NEGR1: variants seen among roughly 807,000 people sequenced by gnomAD.
NEGR1 encodes IgLON family member 4.
Under a neutral mutation model 40.9 loss-of-function variants are expected in NEGR1, and 10 were observed. The observed-to-expected ratio is 0.24, with a 90% CI of 0.15 to 0.42. NEGR1 has a LOEUF of 0.42. Among genes scored for constraint, NEGR1 ranks in the 10% least tolerant of loss-of-function variants. The probability of loss-of-function intolerance (pLI) is 1.00; values close to 1 mark genes in which losing one functional copy is unlikely to be tolerated. For synonymous variants in NEGR1, 185 were observed against 166.8 expected, an observed-to-expected ratio of 1.11 and a Z score of -0.84; for missense variants, 352 against 438.9, an observed-to-expected ratio of 0.80 and a Z score of 1.77.
At chr1:72,034,670 G>T (rs959830059) in intron 1 of NEGR1, among the ~76,000 whole-genome samples, 2 of 152,150 alleles carry the variant, frequency 1.3e-5, no homozygotes, top group Non-Finnish European at 2.9e-5. Context: ...AAAGGCCTTT[G>T]CATTCTCTGA....
At chr1:71,667,188 G>T (rs1305913264) in intron 4 of NEGR1, among the ~76,000 whole-genome samples, 2 of 152,112 alleles carry the variant, frequency 1.3e-5, no homozygotes, top group Non-Finnish European at 2.9e-5. Flanking sequence ...TTTATTCCTT[G>T]GTAGGTGTAA....
At chr1:72,063,655 T>C (rs1647211185) in intron 1 of NEGR1, among the ~76,000 whole-genome samples, 1 of 151,968 alleles carries the variant, frequency 6.6e-6, no homozygotes, top group African/African-American at 2.4e-5. Context: ...GTGTGTTTTC[T>C]ATGATTTGTG....
chr1:71,556,022 T>C (rs1377820281), intron 6 of NEGR1, among the ~76,000 whole-genome samples: 5 of 151,474 alleles, frequency 3.3e-5, no homozygotes, highest in Non-Finnish European at 1.5e-5. Context: ...TACTTGCCAC[T>C]ACTAGATCAT....
chr1:71,857,457 C>CAAAAAAAAAAAAAAA (rs34177437), intron 2 of NEGR1, among the ~76,000 whole-genome samples: 1 of 77,656 alleles, frequency 1.3e-5, no homozygotes, highest in African/African-American at 5.4e-5. Context: ...ACAAAAAATA[C>CAAAAAAAAAAAAAAA]AAAAAAAAAA....
chr1:72,112,403 C>T (rs372915875), intron 1 of NEGR1, among the ~76,000 whole-genome samples: 1 of 151,376 alleles, frequency 6.6e-6, no homozygotes, highest in African/African-American at 2.4e-5. Flanking sequence ...TTATTTTTTC[C>T]ATAATATATC....
intron 2 of NEGR1, among the ~76,000 whole-genome samples, chr1:71,783,458 C>A (rs1656790437): frequency 6.6e-6 from 1 of 152,088 alleles, no homozygotes; most frequent in Admixed American, 6.6e-5. Flanking sequence ...ATTATTTTCT[C>A]CAGCTGATAG....
intron 1 of NEGR1, among the ~76,000 whole-genome samples, chr1:72,056,807 A>G (rs757109485): frequency 2.6e-5 from 4 of 151,550 alleles, no homozygotes; most frequent in Non-Finnish European, 5.9e-5. Context: ...AAGTCTATTC[A>G]TATCATAGTT....
chr1:72,173,148 A>C (rs1038194297), intron 1 of NEGR1, among the ~76,000 whole-genome samples: 1 of 151,280 alleles, frequency 6.6e-6, no homozygotes, highest in Admixed American at 6.6e-5. Flanking sequence ...CTGGGACTAC[A>C]GGTGTGTGCC....
intron 1 of NEGR1, among the ~76,000 whole-genome samples, chr1:72,115,527 T>A (rs1649547909): frequency 6.6e-6 from 1 of 151,790 alleles, no homozygotes; most frequent in Middle Eastern, 3.2e-3. Flanking sequence ...ACATTACTTA[T>A]GCCAGAAAAT....
intron 2 of NEGR1, among the ~76,000 whole-genome samples, chr1:71,865,397 AC>A (rs1481963908): frequency 1.3e-5 from 2 of 152,092 alleles, no homozygotes; most frequent in African/African-American, 4.8e-5. Flanking sequence ...ATGGAATACT[AC>A]GCAGTCATAA....
At chr1:71,980,326 T>C (rs1646343346) in intron 1 of NEGR1, among the ~76,000 whole-genome samples, 1 of 152,164 alleles carries the variant, frequency 6.6e-6, no homozygotes, top group Non-Finnish European at 1.5e-5. Flanking sequence ...CAGTGCAACA[T>C]TGGATCCATT....
intron 2 of NEGR1, among the ~76,000 whole-genome samples, chr1:71,841,740 T>A (rs1463628695): frequency 6.6e-6 from 1 of 152,188 alleles, no homozygotes; most frequent in Non-Finnish European, 1.5e-5. Context: ...CAGCATATCG[T>A]AGAAATACAA....
chr1:71,959,217 T>C (rs928355049), intron 1 of NEGR1, among the ~76,000 whole-genome samples: 2 of 152,114 alleles, frequency 1.3e-5, no homozygotes, highest in Non-Finnish European at 2.9e-5. Context: ...CTAAAATCTA[T>C]ATATATAAAA....
Position 71,563,209 on chromosome 1 carries a change from T to C in NEGR1, c.940+29608A>G, listed in dbSNP as rs563416848. Among the ~76,000 whole-genome samples the C allele has an allele frequency of 3.3e-5, 5 of 152,078 alleles. No individual in the cohort carries two copies. The South Asian group carries it at 8.3e-4, about 25-fold the overall frequency. On this transcript the variant is annotated intron_variant, in intron 6 of 6. Transcript: ENST00000357731. ...GAGGACTGACTACCTTTTACTTAAG[T>C]GCAACAAGATAACAGTTCAGATTTC...
intron 1 of NEGR1, among the ~76,000 whole-genome samples, chr1:71,949,652 A>T (rs1405382189): frequency 1.3e-5 from 2 of 152,094 alleles, no homozygotes; most frequent in East Asian, 3.9e-4. Flanking sequence ...ACTCTATTGT[A>T]CTTTAGAACT....
intron 5 of NEGR1, among the ~76,000 whole-genome samples, chr1:71,593,805 C>A (rs1649586724): frequency 6.6e-6 from 1 of 152,188 alleles, no homozygotes; most frequent in Non-Finnish European, 1.5e-5. Context: ...TTCTGCTAGT[C>A]AGATTCTTCC....
At chr1:71,493,109 A>G (rs1015921882) in intron 6 of NEGR1, among the ~76,000 whole-genome samples, 3 of 152,020 alleles carry the variant, frequency 2.0e-5, no homozygotes, top group Non-Finnish European at 4.4e-5. Flanking sequence ...TATCTGTTTT[A>G]TCCTTCTGTT....
intron 6 of NEGR1, among the ~76,000 whole-genome samples, chr1:71,556,448 T>C (rs1189981652): frequency 2.0e-5 from 3 of 151,546 alleles, no homozygotes; most frequent in Non-Finnish European, 4.4e-5. Context: ...GACCATTAAG[T>C]CAAACTGAAT....
intron 6 of NEGR1, among the ~76,000 whole-genome samples, chr1:71,512,705 C>T (rs1647083959): frequency 6.6e-6 from 1 of 151,920 alleles, no homozygotes; most frequent in Admixed American, 6.6e-5. Flanking sequence ...CCTCAACCTC[C>T]CGAGTAGCTG....
Sources: gnomAD v4.1 joint callset for allele counts (sites outside exome capture counted in the v4.1 genomes callset) on GRCh38, gnomAD v4.1.1 for gene constraint, MANE v1.5 for transcripts, NCBI Gene and HGNC (gene_info 2026-07-23, HGNC 2026-07-21) for gene names.